MGAT4C: variants seen among roughly 807,000 people sequenced by gnomAD.
The protein encoded by MGAT4C is MGAT4 family member C.
A neutral mutation model predicts 40.1 loss-of-function variants in MGAT4C; 19 were observed. The observed-to-expected ratio is 0.47, with a 90% CI of 0.33 to 0.70. The LOEUF is 0.70. MGAT4C is among the 30% of genes least tolerant of loss of function. The probability of loss-of-function intolerance (pLI) is 0.02; values close to 1 mark genes in which losing one functional copy is unlikely to be tolerated. For missense variants in MGAT4C, 491 were observed against 563.2 expected, an observed-to-expected ratio of 0.87 and a Z score of 1.30; for synonymous variants, 181 against 187.1, an observed-to-expected ratio of 0.97 and a Z score of 0.27.
intron 4 of MGAT4C, among the ~76,000 whole-genome samples, chr12:85,981,159 A>G (rs1884560593): frequency 6.6e-6 from 1 of 152,170 alleles, no homozygotes; most frequent in Admixed American, 6.5e-5. Flanking sequence ...CTTTATAGTA[A>G]TTTTGCCTGA....
At chr12:86,019,269 G>A (rs1177893553) in intron 2 of MGAT4C, among the ~76,000 whole-genome samples, 1 of 152,060 alleles carries the variant, frequency 6.6e-6, no homozygotes, top group African/African-American at 2.4e-5. Flanking sequence ...CATGAGGTAG[G>A]TAAGAATATA....
At chr12:86,144,663 T>C (rs1566046977) in intron 1 of MGAT4C, among the ~76,000 whole-genome samples, 1 of 152,188 alleles carries the variant, frequency 6.6e-6, no homozygotes, top group African/African-American at 2.4e-5. Flanking sequence ...TAACATATTT[T>C]CAGTACATAT....
At chr12:86,731,643 T>C (rs1213920344) in intron 1 of MGAT4C, among the ~76,000 whole-genome samples, 1 of 152,048 alleles carries the variant, frequency 6.6e-6, no homozygotes, top group Non-Finnish European at 1.5e-5. Context: ...TTTCCTTAGG[T>C]GTTTTGTGAT....
Position 86,544,471 on chromosome 12 carries a change from A to T in MGAT4C, c.-228-109206T>A, listed in dbSNP as rs553974702. Among the ~76,000 whole-genome samples the T allele has an allele frequency of 1.8e-4, 28 of 152,162 alleles. No individual in the cohort carries two copies. The South Asian group carries it at 5.8e-3, about 32-fold the overall frequency. On this transcript the variant is annotated intron_variant, in intron 2 of 7. Coordinates refer to the MGAT4C transcript ENST00000548651. ...TTTCTATAATTATCTAATGTTTCTG[A>T]AAGTTAATTTTAGTTGGATAGTGAT...
chr12:86,187,750 CAAA>C (rs62814161), intron 1 of MGAT4C, among the ~76,000 whole-genome samples: 2 of 148,054 alleles, frequency 1.4e-5, no homozygotes. Context: ...CTTCCAACTG[CAAA>C]AAAAAAAAAA....
chr12:86,530,006 T>G (rs901706422), intron 2 of MGAT4C, among the ~76,000 whole-genome samples: 1 of 152,026 alleles, frequency 6.6e-6, no homozygotes, highest in African/African-American at 2.4e-5. Flanking sequence ...TAAAATTTTA[T>G]ATTATTTCAC....
At chr12:86,515,720 T>C (rs1958672819) in intron 2 of MGAT4C, among the ~76,000 whole-genome samples, 1 of 150,854 alleles carries the variant, frequency 6.6e-6, no homozygotes, top group Non-Finnish European at 1.5e-5. Flanking sequence ...TAAATTGTTA[T>C]AAACATTTAA....
chr12:86,537,101 C>G (rs1959085073), intron 2 of MGAT4C, among the ~76,000 whole-genome samples: 1 of 151,950 alleles, frequency 6.6e-6, no homozygotes, highest in Admixed American at 6.5e-5. Flanking sequence ...AACCATCACT[C>G]TCAGCAAACT....
chr12:86,190,632 T>C (rs569493845), intron 1 of MGAT4C, among the ~76,000 whole-genome samples: 3 of 152,156 alleles, frequency 2.0e-5, no homozygotes, highest in South Asian at 2.1e-4. Context: ...TTTGAATATA[T>C]GGTCATTTTT....
chr12:86,030,274 G>A (rs1400226751), intron 2 of MGAT4C, among the ~76,000 whole-genome samples: 2 of 151,700 alleles, frequency 1.3e-5, no homozygotes, highest in Non-Finnish European at 3.0e-5. Context: ...CAATTTGTAT[G>A]ATGTTTATGT....
intron 1 of MGAT4C, among the ~76,000 whole-genome samples, chr12:86,833,435 A>G (rs1395686563): frequency 2.0e-5 from 3 of 151,846 alleles, no homozygotes; most frequent in Non-Finnish European, 2.9e-5. Context: ...TTTTCTTACA[A>G]TTGAAAGGTT....
intron 2 of MGAT4C, among the ~76,000 whole-genome samples, chr12:86,706,165 A>G (rs1279747735): frequency 6.6e-6 from 1 of 152,182 alleles, no homozygotes; most frequent in Non-Finnish European, 1.5e-5. Context: ...TTAGACAAGG[A>G]TAGATACAGA....
At chr12:86,564,214 T>C (rs142566380) in intron 2 of MGAT4C, among the ~76,000 whole-genome samples, 1 of 152,294 alleles carries the variant, frequency 6.6e-6, no homozygotes, top group East Asian at 1.9e-4. Flanking sequence ...TAACTCCAAT[T>C]GCAGCTGCTG....
At chr12:86,265,731 C>T (rs1371223054) in intron 4 of MGAT4C, among the ~76,000 whole-genome samples, 1 of 152,134 alleles carries the variant, frequency 6.6e-6, no homozygotes, top group Non-Finnish European at 1.5e-5. Context: ...AATGAATCCG[C>T]AGATTCAATG....
chr12:86,246,552 T>G (rs1409752691), intron 1 of MGAT4C, among the ~76,000 whole-genome samples: 1 of 152,220 alleles, frequency 6.6e-6, no homozygotes, highest in Non-Finnish European at 1.5e-5. Context: ...TATTGCTATC[T>G]TTTGTTCTAA....
At chr12:86,475,279 G>A (rs949087124) in intron 2 of MGAT4C, among the ~76,000 whole-genome samples, 18 of 151,880 alleles carry the variant, frequency 1.2e-4, no homozygotes, top group African/African-American at 4.3e-4. Context: ...AGAATACTCA[G>A]GATATAAAAT....
At chr12:86,085,724 G>A (rs937352078) in intron 1 of MGAT4C, among the ~76,000 whole-genome samples, 6 of 152,156 alleles carry the variant, frequency 3.9e-5, no homozygotes, top group Non-Finnish European at 5.9e-5. Flanking sequence ...TAAAAGGTGG[G>A]CAAAGAATAT....
At chr12:86,094,133 A>G (rs935237707) in intron 1 of MGAT4C, among the ~76,000 whole-genome samples, 1 of 152,148 alleles carries the variant, frequency 6.6e-6, no homozygotes, top group Non-Finnish European at 1.5e-5. Flanking sequence ...TGAGAGTTCA[A>G]TGAAATATTG....
At position 86,285,875 on chromosome 12, in the gene MGAT4C, AT is replaced by A. The variant is rs541989630; in HGVS notation, c.-57+48189del. On this transcript the variant is annotated intron_variant, in intron 4 of 7. Transcript: ENST00000548651. ...ATATATTTCAATCATGTATTCACAT[AT>A]TCTTTAATGACATAAAAATGCTTAC... Among the ~76,000 whole-genome samples the A allele has an allele frequency of 4.2e-3, 639 of 152,128 alleles. 4 individuals are homozygous for A. The highest frequency in any genetic ancestry group is 0.015 in the African/African-American group (614 of 41,542).
Sources: allele counts gnomAD v4.1 joint callset (sites outside exome capture counted in the v4.1 genomes callset), GRCh38; gene constraint gnomAD v4.1.1; transcripts MANE v1.5; gene names NCBI Gene and HGNC (gene_info 2026-07-23, HGNC 2026-07-21).